The following ZNF624 variants were observed in gnomAD, a reference collection of about 807,000 sequenced individuals.
ZNF624 encodes the protein zinc finger protein 624.
In ZNF624, 43 loss-of-function variants were observed where a neutral mutation model predicts 74.7. That is an observed-to-expected ratio of 0.58 (90% confidence interval 0.45 to 0.74). ZNF624 has a LOEUF of 0.74. Ranked by LOEUF, ZNF624 falls within the 30% of genes least tolerant of loss-of-function variation. The probability of loss-of-function intolerance (pLI) is 0.00; values close to 1 mark genes in which losing one functional copy is unlikely to be tolerated. For missense variants in ZNF624, 820 were observed against 1,030.0 expected (o/e 0.80, Z 2.79); for synonymous variants, 331 against 341.3 (o/e 0.97, Z 0.33).
At chr17:16,619,199 C>G (rs1908851820), downstream of ZNF624, among the ~76,000 whole-genome samples, 1 of 152,112 alleles carries the variant, frequency 6.6e-6, no homozygotes, top group African/African-American at 2.4e-5. Context: ...AATATTTTGA[C>G]CTCTACTCCA....
rs775050890 is a variant in ZNF624, at chr17:16,622,969, G to T, written c.1917C>A (p.Pro639=). ...ACTTTCCACAGTCATAACATTTATA[G>T]GGTTTCACTCCAGTATGAATTTTCT... ...EHQKIHTGVK[P]YKCYDCGKSF... The change falls in exon 6 of 6, where the codon CCC becomes CCA. Residue 639 remains proline (P), a synonymous_variant. Transcript: ENST00000311331. 27 of 1,613,850 alleles carry T rather than the reference G, an allele frequency of 1.7e-5. No homozygotes were observed. In the East Asian group the frequency reaches 5.8e-4, roughly 35 times the overall value.
Position 16,622,367 on chromosome 17 carries a change from T to G in ZNF624, c.2519A>C (p.Glu840Ala). ...ACTACTCCTGAAGGCTTTTCCACAT[T>G]CATTACATTTATAGGGTTTTTCTCC... ...HTGEKPYKCNECGKAFRSSSS... is the reference protein window; with the variant it reads ...HTGEKPYKCNACGKAFRSSSS... Residue 840 changes from glutamate (E) to alanine (A), a missense_variant, in exon 6 of 6, where the codon GAA becomes GCA. Coordinates refer to ENST00000311331, the MANE Select transcript of ZNF624 (RefSeq NM_020787.4). 1 of 1,613,436 alleles carries G rather than the reference T, an allele frequency of 6.2e-7. No individual in the cohort carries two copies. Among genetic ancestry groups the G allele is most frequent in the Non-Finnish European group, 8.5e-7 (1 of 1,179,740 alleles).
chr17:16,617,849 G>A, downstream of ZNF624: 6 of 1,610,820 alleles, frequency 3.7e-6, no homozygotes, highest in Non-Finnish European at 4.2e-6. Context: ...CCTGGACGTT[G>A]TAGCTTAGGC....
chr17:16,647,758 A>G (rs556788911), intron 2 of ZNF624, among the ~76,000 whole-genome samples: 1 of 152,174 alleles, frequency 6.6e-6, no homozygotes, highest in South Asian at 2.1e-4. Context: ...AACACTCAAA[A>G]CCTACTAACA....
chr17:16,624,599 A>G, intron 5 of ZNF624, 90 bp from the exon 6 acceptor site: 1 of 1,124,670 alleles, frequency 8.9e-7, no homozygotes, highest in Non-Finnish European at 1.2e-6. Context: ...AAATACATGG[A>G]TAATGAATAT....
chr17:16,638,241 T>C (rs564638089), intron 3 of ZNF624, among the ~76,000 whole-genome samples: 307 of 152,190 alleles, frequency 2.0e-3, no homozygotes, highest in Middle Eastern at 0.01. Flanking sequence ...TGTGGAGAAA[T>C]AGGAACACTT....
chr17:16,616,339 A>G (rs1246710406), downstream of ZNF624, among the ~76,000 whole-genome samples: 1 of 152,158 alleles, frequency 6.6e-6, no homozygotes, highest in Non-Finnish European at 1.5e-5. Flanking sequence ...AAAGGAATTT[A>G]ATAGTGACCT....
At chr17:16,647,189 A>G (rs1597499276) in intron 3 of ZNF624, 140 bp downstream of exon 3, 1 of 730,292 alleles carries the variant, frequency 1.4e-6, no homozygotes, top group East Asian at 2.6e-5. Context: ...AATCTGTTAA[A>G]TTGATGCCAC....
chr17:16,650,941 C>A (rs1464435371), intron 1 of ZNF624, among the ~76,000 whole-genome samples: 1 of 151,930 alleles, frequency 6.6e-6, no homozygotes, highest in Non-Finnish European at 1.5e-5. Flanking sequence ...ATCAGAAGCT[C>A]ATCTGAAAAG....
intron 3 of ZNF624, among the ~76,000 whole-genome samples, chr17:16,641,321 C>T (rs961366546): frequency 3.3e-5 from 5 of 151,928 alleles, no homozygotes; most frequent in Non-Finnish European, 4.4e-5. Flanking sequence ...TCTTGCTCAT[C>T]GCCCAGGCTG....
At chr17:16,640,319 A>C (rs946770885) in intron 3 of ZNF624, among the ~76,000 whole-genome samples, 1 of 152,180 alleles carries the variant, frequency 6.6e-6, no homozygotes, top group African/African-American at 2.4e-5. Context: ...TTTAAAAAGA[A>C]GAAATCAGTA....
rs200135988 is a variant in ZNF624, at chr17:16,634,764, A to G, written c.154-8T>C. On this transcript the variant is annotated splice_polypyrimidine_tract_variant and splice_region_variant and intron_variant, in intron 3 of 5. Coordinates refer to ENST00000311331, the MANE Select transcript of ZNF624 (RefSeq NM_020787.4). The stretch of plus-strand genomic sequence containing the variant: ...CTTAAATGTCACCGATTCCTAAAAC[A>G]ATTACATTGTGATCACTTAGAAACT... 12 of 1,608,610 alleles carry G rather than the reference A, an allele frequency of 7.5e-6. No homozygotes were observed. In the East Asian group the frequency reaches 1.8e-4, roughly 24 times the overall value.
rs779944308 is a variant in ZNF624 at position 16,622,640 on chromosome 17, T to C, written c.2246A>G (p.Glu749Gly). The change falls in exon 6 of 6, where the codon GAG becomes GGG. Residue 749 changes from glutamate (E) to glycine (G), a missense_variant. Coordinates refer to ENST00000311331, the MANE Select transcript of ZNF624 (RefSeq NM_020787.4). ...VTEHQKIHSG[E>G]KPYKCDVCGK... ...ACAGACATCACACTTATAGGGCTTC[T>C]CTCCACTATGGATTTTCTGATGTTC... is the stretch of plus-strand genomic sequence containing the variant. The C allele has an allele frequency of 7.4e-6, 12 of 1,614,120 alleles. No individual in the cohort carries two copies. In the Middle Eastern group the frequency reaches 2.0e-3, roughly 266 times the overall value.
chr17:16,642,675 C>A (rs1324513677), intron 3 of ZNF624, among the ~76,000 whole-genome samples: 4 of 151,890 alleles, frequency 2.6e-5, no homozygotes, highest in African/African-American at 9.7e-5. Flanking sequence ...ATTAGGACTT[C>A]ATTAAAATTA....
At chr17:16,625,051 C>G (rs1322749459) in intron 5 of ZNF624, among the ~76,000 whole-genome samples, 2 of 148,584 alleles carry the variant, frequency 1.3e-5, no homozygotes, top group East Asian at 4.0e-4. Flanking sequence ...AAAAAAAAAG[C>G]CCATTCATAG....
intron 3 of ZNF624, among the ~76,000 whole-genome samples, chr17:16,638,142 T>A (rs1336363734): frequency 2.0e-5 from 3 of 151,976 alleles, no homozygotes; most frequent in Admixed American, 2.0e-4. Flanking sequence ...ATCAGAGAAA[T>A]GCAAATCAAA....
chr17:16,639,073 G>T (rs959636652), intron 3 of ZNF624, among the ~76,000 whole-genome samples: 2 of 152,122 alleles, frequency 1.3e-5, no homozygotes, highest in Non-Finnish European at 2.9e-5. Flanking sequence ...AGAAGCAGAA[G>T]AATCTAGATT....
At chr17:16,616,817 A>G (rs1908800984), downstream of ZNF624, 1 of 988,986 alleles carries the variant, frequency 1.0e-6, no homozygotes, top group East Asian at 2.4e-5. Context: ...AGTGTTCCAT[A>G]ATAGTGTGCA....
intron 3 of ZNF624, among the ~76,000 whole-genome samples, chr17:16,640,187 C>A (rs1909434334): frequency 2.0e-5 from 3 of 151,932 alleles, no homozygotes; most frequent in Non-Finnish European, 4.4e-5. Flanking sequence ...ACAAAAGAGT[C>A]CCATAAGACA....
Sources: allele counts gnomAD v4.1 joint callset (sites outside exome capture counted in the v4.1 genomes callset), GRCh38; gene constraint gnomAD v4.1.1; transcripts MANE v1.5; gene names NCBI Gene and HGNC (gene_info 2026-07-23, HGNC 2026-07-21).